CSMD1: variants seen among roughly 807,000 people sequenced by gnomAD.
CSMD1 encodes CUB and Sushi multiple domains 1.
Under a neutral mutation model 417.5 loss-of-function variants are expected in CSMD1, and 213 were observed. The observed-to-expected ratio is 0.51, with a 90% CI of 0.46 to 0.57. The LOEUF (loss-of-function observed/expected upper bound fraction) is 0.57, where lower values mean the gene tolerates loss of function less well. CSMD1 is among the 20% of genes least tolerant of loss of function. CSMD1 has a pLI of 0.00. For synonymous variants in CSMD1, 2,862 were observed against 1,736.8 expected (o/e 1.65, Z -16.11); for missense variants, 6,923 against 4,529.7 (o/e 1.53, Z -15.17).
chr8:4,148,809 T>A (rs188975259), intron 3 of CSMD1, among the ~76,000 whole-genome samples: 3 of 152,168 alleles, frequency 2.0e-5, no homozygotes, highest in African/African-American at 7.2e-5. Context: ...GGAAGGGATG[T>A]CATGATTCAG....
At chr8:4,920,720 G>A (rs370027054) in intron 1 of CSMD1, among the ~76,000 whole-genome samples, 56 of 151,822 alleles carry the variant, frequency 3.7e-4, no homozygotes, top group African/African-American at 1.3e-3. Context: ...CTACTTAGAA[G>A]GCTAAGGCAG....
intron 1 of CSMD1, among the ~76,000 whole-genome samples, chr8:4,720,262 T>C (rs1056491806): frequency 6.6e-6 from 1 of 151,888 alleles, no homozygotes; most frequent in African/African-American, 2.4e-5. Context: ...TTTGGAAAAG[T>C]TGGAAAAATT....
chr8:4,271,017 C>G (rs554380620), intron 3 of CSMD1, among the ~76,000 whole-genome samples: 1 of 152,134 alleles, frequency 6.6e-6, no homozygotes, highest in East Asian at 1.9e-4. Context: ...GAGAGCAGGT[C>G]CTAGTGGGAA....
At position 4,206,924 on chromosome 8, in the gene CSMD1, T is replaced by C. The variant is rs959912264; in HGVS notation, c.416-174825A>G. 8.5e-5 allele frequency among the ~76,000 whole-genome samples: 13 copies of C among 152,188 alleles called. 1 individual carries two copies. The highest frequency in any genetic ancestry group is 1.5e-4 in the Non-Finnish European group (10 of 68,020). On this transcript the variant is annotated intron_variant, in intron 3 of 69. Transcript: ENST00000635120. ...ATTTTATAATTTAGAGTTGGGCAAA[T>C]TGCCCTCCTCTTTGAATGGATAAAA...
intron 5 of CSMD1, among the ~76,000 whole-genome samples, chr8:3,791,467 T>G (rs1225209098): frequency 1.3e-5 from 2 of 152,232 alleles, no homozygotes; most frequent in Admixed American, 1.3e-4. Flanking sequence ...TAGCTTGTAA[T>G]ACGTTCTTTA....
intron 65 of CSMD1, among the ~76,000 whole-genome samples, chr8:2,951,626 T>C (rs1465755592): frequency 6.6e-6 from 1 of 152,140 alleles, no homozygotes; most frequent in East Asian, 1.9e-4. Flanking sequence ...AGAAATATGT[T>C]TACCTGACCC....
intron 1 of CSMD1, among the ~76,000 whole-genome samples, chr8:4,886,994 AT>A (rs1803789425): frequency 1.3e-5 from 2 of 151,916 alleles, no homozygotes; most frequent in African/African-American, 4.8e-5. Context: ...CTCAACTCTT[AT>A]ATATTTCCTT....
At chr8:4,433,182 A>G (rs998708487) in intron 2 of CSMD1, among the ~76,000 whole-genome samples, 8 of 152,170 alleles carry the variant, frequency 5.3e-5, no homozygotes, top group African/African-American at 9.7e-5. Context: ...GGCGAGTTGT[A>G]TAACTATTTC....
At chr8:3,019,401 T>C (rs1002103892) in intron 51 of CSMD1, among the ~76,000 whole-genome samples, 1 of 152,204 alleles carries the variant, frequency 6.6e-6, no homozygotes, top group Non-Finnish European at 1.5e-5. Context: ...CTCAGGAGCC[T>C]ATCAGGAAAT....
intron 57 of CSMD1, among the ~76,000 whole-genome samples, chr8:2,971,243 C>A (rs1200332158): frequency 6.6e-6 from 1 of 152,158 alleles, no homozygotes; most frequent in African/African-American, 2.4e-5. Context: ...CAGTTCGCCA[C>A]CTAGATCATC....
intron 8 of CSMD1, among the ~76,000 whole-genome samples, chr8:3,613,530 C>A (rs1326117919): frequency 6.6e-6 from 1 of 151,850 alleles, no homozygotes; most frequent in Non-Finnish European, 1.5e-5. Flanking sequence ...TCAAATTCAA[C>A]AATCCATAAA....
At chr8:4,923,314 T>C (rs1161447758) in intron 1 of CSMD1, among the ~76,000 whole-genome samples, 1 of 152,162 alleles carries the variant, frequency 6.6e-6, no homozygotes, top group Non-Finnish European at 1.5e-5. Flanking sequence ...GTTGATGCTT[T>C]CGTATTGGTT....
intron 2 of CSMD1, among the ~76,000 whole-genome samples, chr8:4,624,221 C>T (rs17417225): frequency 1.3e-5 from 2 of 151,910 alleles, no homozygotes; most frequent in African/African-American, 4.8e-5. Context: ...GTCTAAAGCC[C>T]CTGATAACGT....
intron 5 of CSMD1, among the ~76,000 whole-genome samples, chr8:3,982,657 G>C (rs1024639281): frequency 2.0e-5 from 3 of 152,074 alleles, no homozygotes; most frequent in African/African-American, 7.2e-5. Context: ...GCAAAGATAG[G>C]GCAGATCTGA....
chr8:4,013,143 C>A (rs1004065188), intron 4 of CSMD1, among the ~76,000 whole-genome samples: 23 of 152,134 alleles, frequency 1.5e-4, no homozygotes, highest in Non-Finnish European at 3.2e-4. Flanking sequence ...CATTGTGCTC[C>A]CACACTGCTC....
chr8:4,052,407 G>A (rs1318055117), intron 3 of CSMD1, among the ~76,000 whole-genome samples: 1 of 152,190 alleles, frequency 6.6e-6, no homozygotes, highest in Non-Finnish European at 1.5e-5. Flanking sequence ...ATTTCTCCAA[G>A]TTCCATATTG....
Position 3,813,813 on chromosome 8 carries a change from T to TA in CSMD1, c.819-59772dup, listed in dbSNP as rs569876671. Among the ~76,000 whole-genome samples, 394 of 152,246 alleles carry TA rather than the reference T, an allele frequency of 2.6e-3. 1 individual carries two copies. The highest frequency in any genetic ancestry group is 7.8e-3 in the African/African-American group (323 of 41,556). On this transcript the variant is annotated intron_variant, in intron 5 of 69. Transcript: ENST00000635120. ...TAATGTCTTCTGTTACTGAAAAACTTAAAGTATGTCTTCTTGAAAGCTTCG... is the reference window on the plus strand; with the variant it reads ...TAATGTCTTCTGTTACTGAAAAACTTAAAAGTATGTCTTCTTGAAAGCTTCG...
intron 1 of CSMD1, among the ~76,000 whole-genome samples, chr8:4,700,526 T>C (rs901459369): frequency 1.2e-4 from 19 of 152,192 alleles, no homozygotes; most frequent in South Asian, 6.2e-4. Context: ...AGGTGTCTAA[T>C]AGAGAGACAA....
chr8:4,846,603 T>C (rs1332862807), intron 1 of CSMD1, among the ~76,000 whole-genome samples: 1 of 152,216 alleles, frequency 6.6e-6, no homozygotes, highest in Non-Finnish European at 1.5e-5. Flanking sequence ...GGCTCAGCCT[T>C]GGTGACTACT....
Sources: gnomAD v4.1 joint callset for allele counts (sites outside exome capture counted in the v4.1 genomes callset) on GRCh38, gnomAD v4.1.1 for gene constraint, MANE v1.5 for transcripts, NCBI Gene and HGNC (gene_info 2026-07-23, HGNC 2026-07-21) for gene names.